Variants in WRAP53 observed in about 807,000 individuals in gnomAD.
WRAP53 encodes telomerase Cajal body protein 1.
WRAP53 carries 28 observed loss-of-function variants against 56.6 expected under a neutral mutation model. The ratio of observed to expected loss-of-function variants is 0.50; its 90% CI spans 0.37 to 0.68. The LOEUF is 0.68. Among genes scored for constraint, WRAP53 ranks in the 30% least tolerant of loss-of-function variants. The pLI, the probability that WRAP53 is intolerant of heterozygous loss-of-function variation, is 0.00. For missense variants in WRAP53, 671 were observed against 715.5 expected (o/e 0.94, Z 0.71); for synonymous variants, 283 against 283.4 (o/e 1.00, Z 0.01).
rs772815432 is a variant in WRAP53, at chr17:7,703,406, C to G, written c.1567C>G (p.Pro523Ala). 3.7e-6 allele frequency: 6 copies of G among 1,611,716 alleles called. No individual in the cohort carries two copies. Among genetic ancestry groups the G allele is most frequent in the Admixed American group, 1.7e-5 (1 of 59,852 alleles). Residue 523 changes from proline to alanine, a missense_variant, in exon 11 of 11, where the codon CCA (proline) becomes GCA (alanine). This residue lies in a region of WRAP53 where 107 missense variants were observed against 81.3 expected (regional missense o/e 1.32). Coordinates refer to ENST00000396463, the MANE Select transcript of WRAP53 (RefSeq NM_001143992.2). ...RLQLWWCGGA[P>A]DSSIPDDHQG... is the part of the protein sequence containing the mutation. ...TCAGCTCTGGTGGTGTGGGGGGGCG[C>G]CAGACTCCAGCATCCCTGATGATCA...
rs2074273621 is a variant in WRAP53, at chr17:7,701,522, G to C, written c.795G>C (p.Arg265=). Residue 265 remains arginine (R), a synonymous_variant, in exon 6 of 11, where the codon CGG becomes CGC. Transcript: ENST00000396463. This position sits in a 1 kb window ranked among gnomAD's most constrained non-coding sequence, Gnocchi z 4.2. The part of the protein sequence containing the change: ...HIWDAFTGEL[R]ASFRAYNHLD... ...GGGACGCATTCACTGGAGAGCTCCG[G>C]GCTTCCTTTCGCGCCTACAACCACC... The C allele has an allele frequency of 6.2e-7, 1 of 1,614,250 alleles. No homozygotes were observed. Among genetic ancestry groups the C allele is most frequent in the Admixed American group, 1.7e-5 (1 of 60,022 alleles).
At position 7,702,770 on chromosome 17, in the gene WRAP53, C is replaced by T. The variant is rs281865548; in HGVS notation, c.1192C>T (p.Arg398Trp). The T allele has an allele frequency of 1.5e-4, 239 of 1,613,730 alleles. No individual in the cohort carries two copies. Among genetic ancestry groups the T allele is most frequent in the Non-Finnish European group, 9.8e-5 (116 of 1,180,012 alleles). Residue 398 changes from arginine to tryptophan, a missense_variant, in exon 9 of 11, where the codon CGG becomes TGG. Physicochemically the swap from Arg to Trp is moderately radical, Grantham distance 101. Around this residue, in one of 3 missense-constraint regions of WRAP53, gnomAD observed 158 missense variants for 215.7 expected, o/e 0.73. Transcript: ENST00000396463. The surrounding 1 kb of genome is among the most constrained non-coding windows in gnomAD (Gnocchi z 5.0). ...KDAELLCWDL[R>W]QSGYPLWSLG... is the part of the protein sequence containing the mutation. ...TGCTGAGCTCCTGTGCTGGGATCTC[C>T]GGCAGTCTGGTTACCCACTGTGGTC...
In WRAP53 at chr17:7,701,297, G is replaced by T; in HGVS notation, c.732-162G>T. The T allele has an allele frequency of 1.3e-6, 1 of 758,266 alleles. No homozygotes were observed. The highest frequency in any genetic ancestry group is 2.3e-6 in the Non-Finnish European group (1 of 430,194). The allele number at this position is 758,266 out of a possible 1,614,324, so 47.0% of individuals were successfully genotyped here. On this transcript the variant is annotated intron_variant, in intron 5 of 10. Coordinates refer to ENST00000396463, the MANE Select transcript of WRAP53 (RefSeq NM_001143992.2). The surrounding 1 kb of genome is among the most constrained non-coding windows in gnomAD (Gnocchi z 4.2). ...TTTTTGTATTTTTAGTAGAGACAGG[G>T]TTTCACCATGTTGGCCAGGCTGGTC...
intron 4 of WRAP53, among the ~76,000 whole-genome samples, chr17:7,691,820 A>G (rs1437900841): frequency 1.4e-5 from 2 of 147,904 alleles, no homozygotes; most frequent in Non-Finnish European, 3.0e-5. Context: ...CCACCATGCC[A>G]GGCCATGAGA....
At chr17:7,695,323 G>T (rs1466429205) in intron 4 of WRAP53, among the ~76,000 whole-genome samples, 1 of 152,116 alleles carries the variant, frequency 6.6e-6, no homozygotes, top group East Asian at 1.9e-4. Flanking sequence ...CCATATACTT[G>T]TGTGTACTGA....
chr17:7,699,241 GA>G (rs1243008420), intron 4 of WRAP53, among the ~76,000 whole-genome samples: 1 of 150,060 alleles, frequency 6.7e-6, no homozygotes, highest in Non-Finnish European at 1.5e-5. Context: ...CCAACGTGGC[GA>G]AACCCTGTCT....
At chr17:7,700,486 A>T (rs937620290) in intron 4 of WRAP53, among the ~76,000 whole-genome samples, 1 of 126,714 alleles carries the variant, frequency 7.9e-6, no homozygotes, top group Non-Finnish European at 1.5e-5. Context: ...TGTCTCTATT[A>T]AAAAAAAAAA....
rs1315194613 is a variant in WRAP53 at position 7,702,091 on chromosome 17, T to TA, written c.956-252dup. 2.8e-6 allele frequency: 2 copies of TA among 708,776 alleles called. No individual in the cohort carries two copies. Among genetic ancestry groups the TA allele is most frequent in the Admixed American group, 4.2e-5 (2 of 47,912 alleles). The allele number at this position is 708,776 out of a possible 1,614,324, so 43.9% of individuals were successfully genotyped here. A position where few individuals can be genotyped will look rare whatever the true frequency, so the allele number is the denominator to read the frequency against. On this transcript the variant is annotated intron_variant, in intron 7 of 10. Coordinates refer to ENST00000396463, the MANE Select transcript of WRAP53 (RefSeq NM_001143992.2). This position sits in a 1 kb window ranked among gnomAD's most constrained non-coding sequence, Gnocchi z 5.0. ...TGATAAAGCTGATTCCGTTTTCCTG[T>TA]AGGCCTTCAACTTGCATCTCTCCAA...
chr17:7,702,568 T>C lies in WRAP53; in HGVS notation c.1164+16T>C. The C allele has an allele frequency of 6.2e-7, 1 of 1,604,366 alleles. No individual in the cohort carries two copies. The highest frequency in any genetic ancestry group is 1.7e-4 in the Middle Eastern group (1 of 5,914). On this transcript the variant is annotated intron_variant, in intron 8 of 10. Coordinates refer to ENST00000396463, the MANE Select transcript of WRAP53 (RefSeq NM_001143992.2). The surrounding 1 kb of genome is among the most constrained non-coding windows in gnomAD (Gnocchi z 5.0). ...AGCCCGCAAGGTAGGGGTCACACCC[T>C]GAGAGCCCAAAGCAGCTGGGCAGCG...
chr17:7,691,911 A>G (rs1366412599), intron 4 of WRAP53, among the ~76,000 whole-genome samples: 2 of 151,738 alleles, frequency 1.3e-5, no homozygotes, highest in Non-Finnish European at 2.9e-5. Flanking sequence ...ATCTCAGCTC[A>G]CCGCAACCTC....
At chr17:7,699,597 G>A (rs555622960) in intron 4 of WRAP53, among the ~76,000 whole-genome samples, 1 of 136,160 alleles carries the variant, frequency 7.3e-6, no homozygotes, top group African/African-American at 2.7e-5. Flanking sequence ...CTGAGGGAGA[G>A]TTTCTGTTAG....
upstream of WRAP53, chr17:7,688,437 C>T: frequency 1.0e-5 from 6 of 588,368 alleles, no homozygotes; most frequent in Non-Finnish European, 1.8e-5. Flanking sequence ...AATCCCGCGA[C>T]AGCAAGAGGC....
rs542514585 is a variant in WRAP53, at chr17:7,702,625, G to C, written c.1164+73G>C. Reference sequence around the variant, plus strand: ...GAGCAGGGATGTAGTCTGCAGTGTAGGGGAATGGGTGGGGATGGGGAAAAA... The same window carrying C: ...GAGCAGGGATGTAGTCTGCAGTGTACGGGAATGGGTGGGGATGGGGAAAAA... On this transcript the variant is annotated intron_variant, in intron 8 of 10. Transcript: ENST00000396463. This position sits in a 1 kb window ranked among gnomAD's most constrained non-coding sequence, Gnocchi z 5.0. 1.6e-5 allele frequency: 25 copies of C among 1,596,384 alleles called. No individual in the cohort carries two copies. Among genetic ancestry groups the C allele is most frequent in the Non-Finnish European group, 2.1e-5 (25 of 1,175,548 alleles).
At chr17:7,697,180 G>T (rs928185985) in intron 4 of WRAP53, among the ~76,000 whole-genome samples, 4 of 152,024 alleles carry the variant, frequency 2.6e-5, no homozygotes, top group Non-Finnish European at 4.4e-5. Flanking sequence ...AATTAGCCGG[G>T]TGTGGTGGCA....
rs1597421780 is a variant in WRAP53 at position 7,702,125 on chromosome 17, T to G, written c.956-219T>G. 4.3e-6 allele frequency: 3 copies of G among 695,416 alleles called. No homozygotes were observed. The highest frequency in any genetic ancestry group is 7.6e-6 in the Non-Finnish European group (3 of 394,802). The allele number at this position is 695,416 out of a possible 1,614,324, so 43.1% of individuals were successfully genotyped here. ...AACTTGCATCTCTCCAAGGAAGAACTGGGATTTGAGAGGGATGAAGTGGGG... is the reference window on the plus strand; with the variant it reads ...AACTTGCATCTCTCCAAGGAAGAACGGGGATTTGAGAGGGATGAAGTGGGG... On this transcript the variant is annotated intron_variant, in intron 7 of 10. Transcript: ENST00000396463. The surrounding 1 kb of genome is among the most constrained non-coding windows in gnomAD (Gnocchi z 5.0).
At chr17:7,697,699 G>A (rs930445321) in intron 4 of WRAP53, among the ~76,000 whole-genome samples, 3 of 152,104 alleles carry the variant, frequency 2.0e-5, no homozygotes, top group Non-Finnish European at 4.4e-5. Flanking sequence ...CAAAATTTAT[G>A]AAAAGGTGTA....
intron 4 of WRAP53, among the ~76,000 whole-genome samples, chr17:7,696,867 C>A (rs948488272): frequency 3.3e-5 from 5 of 152,062 alleles, no homozygotes; most frequent in African/African-American, 1.2e-4. Flanking sequence ...GTTTGAGGAA[C>A]CTGTGGGATG....
At chr17:7,698,875 A>AAAAT (rs34271914) in intron 4 of WRAP53, among the ~76,000 whole-genome samples, 5,170 of 147,422 alleles carry the variant, frequency 0.035, 138 homozygotes, top group Admixed American at 0.057. Flanking sequence ...GACTCCGTCA[A>AAAAT]AAATAAATAA....
Position 7,696,965 on chromosome 17 carries a change from C to T in WRAP53, c.643-3776C>T, listed in dbSNP as rs143421869. 3.3e-3 allele frequency among the ~76,000 whole-genome samples: 495 copies of T among 152,254 alleles called. 2 individuals are homozygous for T. The highest frequency in any genetic ancestry group is 0.01 in the Middle Eastern group (3 of 294). ...GAAGTCCTGGCTGGTTGACATCAGC[C>T]TGAGGCCCAGAAGACAACTGACGAA... On this transcript the variant is annotated intron_variant, in intron 4 of 10. Transcript: ENST00000396463.
Sources: gnomAD v4.1 joint callset for allele counts (sites outside exome capture counted in the v4.1 genomes callset) on GRCh38, gnomAD v4.1.1 for gene constraint, gnomAD v4.1.1 regional missense constraint, Gnocchi (gnomAD v3.1) non-coding constraint, MANE v1.5 for transcripts, NCBI Gene and HGNC (gene_info 2026-07-23, HGNC 2026-07-21) for gene names.